Variants in PCDHA7 observed in about 807,000 individuals in gnomAD.
PCDHA7 encodes protocadherin alpha-7.
Under a neutral mutation model 57.2 loss-of-function variants are expected in PCDHA7, and 37 were observed. The ratio of observed to expected loss-of-function variants is 0.65; its 90% confidence interval spans 0.50 to 0.85. PCDHA7 has a LOEUF of 0.85. Among genes scored for constraint, PCDHA7 ranks in the 40% least tolerant of loss-of-function variants. The pLI, the probability that PCDHA7 is intolerant of heterozygous loss-of-function variation, is 0.00. For missense variants in PCDHA7, 1,188 were observed against 1,241.8 expected (o/e 0.96, Z 0.65); for synonymous variants, 553 against 558.8 (o/e 0.99, Z 0.15).
chr5:140,871,092 C>T lies in PCDHA7; in HGVS notation c.2355+34354C>T, dbSNP rs575877743. 10 of 1,613,260 alleles carry T rather than the reference C, an allele frequency of 6.2e-6. No homozygotes were observed. The Admixed American group carries it at 8.3e-5, about 13-fold the overall frequency. ...AGCCGGCGCTGACGGCCACGGCCAC[C>T]GTGCTGGTGTCGTTGGTGGAGAGCG... is the stretch of plus-strand genomic sequence containing the variant. On this transcript the variant is annotated intron_variant, in intron 1 of 3. Transcript: ENST00000525929.
intron 1 of PCDHA7, chr5:140,868,773 G>T: frequency 3.8e-6 from 1 of 263,102 alleles, no homozygotes. Flanking sequence ...GTTTCAATAT[G>T]ACTTATAATC....
At chr5:140,965,318 C>T (rs1397101710) in intron 1 of PCDHA7, among the ~76,000 whole-genome samples, 1 of 152,104 alleles carries the variant, frequency 6.6e-6, no homozygotes, top group Non-Finnish European at 1.5e-5. Flanking sequence ...TTCTCTTTTA[C>T]TGAAGTGAAT....
At chr5:140,942,445 A>G (rs1323056710) in intron 1 of PCDHA7, among the ~76,000 whole-genome samples, 5 of 152,016 alleles carry the variant, frequency 3.3e-5, no homozygotes, top group Non-Finnish European at 7.4e-5. Context: ...AAACAAGTAA[A>G]CTATCAATTA....
At chr5:140,882,899 T>C (rs956861597) in intron 1 of PCDHA7, 1 of 1,614,228 alleles carries the variant, frequency 6.2e-7, no homozygotes. Context: ...ACATAGTTTA[T>C]TACTGACAGC....
chr5:140,862,675 G>A, intron 1 of PCDHA7: 1 of 550,422 alleles, frequency 1.8e-6, no homozygotes, highest in South Asian at 1.4e-5. Context: ...GCAGGAGAAC[G>A]TGCTGGTGTC....
At chr5:140,971,586 C>G (rs1290834481) in intron 1 of PCDHA7, among the ~76,000 whole-genome samples, 1 of 152,022 alleles carries the variant, frequency 6.6e-6, no homozygotes, top group Non-Finnish European at 1.5e-5. Context: ...TTTTTCCTAC[C>G]TAGTTACTAC....
chr5:140,958,637 A>G (rs2095435071), intron 1 of PCDHA7, among the ~76,000 whole-genome samples: 1 of 152,192 alleles, frequency 6.6e-6, no homozygotes. Flanking sequence ...TACTGCAGAA[A>G]ACCAATCACA....
chr5:140,975,601 GA>G (rs781785883), intron 1 of PCDHA7, among the ~76,000 whole-genome samples: 1 of 152,192 alleles, frequency 6.6e-6, no homozygotes, highest in Non-Finnish European at 1.5e-5. Flanking sequence ...GCAATTTGTT[GA>G]TGTCTTCCAC....
chr5:140,851,458 A>G lies in PCDHA7; in HGVS notation c.2355+14720A>G, dbSNP rs543530634. 8 of 902,168 alleles carry G rather than the reference A, an allele frequency of 8.9e-6. 1 individual carries two copies. The African/African-American group carries it at 1.4e-4, about 16-fold the overall frequency. 55.9% of individuals were successfully genotyped at this position (902,168 alleles called of 1,614,324 possible). ...ACAGTTGCTCCACTTTAGGAATCAA[A>G]TTATGTCAATAAATGTTATAAACAC... On this transcript the variant is annotated intron_variant, in intron 1 of 3. Coordinates refer to ENST00000525929, the MANE Select transcript of PCDHA7 (RefSeq NM_018910.3).
At chr5:140,880,796 T>C (rs538689350) in intron 1 of PCDHA7, among the ~76,000 whole-genome samples, 4 of 152,180 alleles carry the variant, frequency 2.6e-5, no homozygotes, top group Non-Finnish European at 5.9e-5. Context: ...GTAATATAAA[T>C]AGGTGAATGA....
intron 1 of PCDHA7, among the ~76,000 whole-genome samples, chr5:140,974,766 G>A (rs2096639663): frequency 6.6e-6 from 1 of 152,158 alleles, no homozygotes; most frequent in Non-Finnish European, 1.5e-5. Flanking sequence ...GGGATTACAG[G>A]TATGAGCCAC....
intron 1 of PCDHA7, chr5:140,877,329 C>T: frequency 6.2e-7 from 1 of 1,614,012 alleles, no homozygotes; most frequent in South Asian, 1.1e-5. Flanking sequence ...TCGGCGCGCA[C>T]ATCCCGTTCC....
Position 140,851,002 on chromosome 5 carries a change from A to T in PCDHA7, c.2355+14264A>T. The stretch of plus-strand genomic sequence containing the variant: ...TTATTCATTTTTCTAGAAATCCAGC[A>T]GATTTTTTTTCTGATAAAGTAAACC... On this transcript the variant is annotated intron_variant, in intron 1 of 3. Coordinates refer to ENST00000525929, the MANE Select transcript of PCDHA7 (RefSeq NM_018910.3). 3 of 1,438,338 alleles carry T rather than the reference A, an allele frequency of 2.1e-6. No homozygotes were observed. In the East Asian group the frequency reaches 7.2e-5, roughly 35 times the overall value. 89.1% of individuals were successfully genotyped at this position (1,438,338 alleles called of 1,614,324 possible).
In PCDHA7 at chr5:140,938,797, G is replaced by T. The variant is rs76361474; in HGVS notation, c.2356-40152G>T. On this transcript the variant is annotated intron_variant, in intron 1 of 3. Coordinates refer to ENST00000525929, the MANE Select transcript of PCDHA7 (RefSeq NM_018910.3). Reference sequence around the variant, plus strand: ...TTAGTACCTGAATGATGAAATAATCGGTACCACAAACCCCTGTGACATGAG... The same window carrying T: ...TTAGTACCTGAATGATGAAATAATCTGTACCACAAACCCCTGTGACATGAG... Among the ~76,000 whole-genome samples, 827 of 152,042 alleles carry T rather than the reference G, an allele frequency of 5.4e-3. 3 individuals carry two copies. Among genetic ancestry groups the T allele is most frequent in the African/African-American group, 0.019 (796 of 41,444 alleles).
chr5:141,010,384 G>T lies in PCDHA7; in HGVS notation c.*447G>T, dbSNP rs2098417140. 10 of 1,411,480 alleles carry T rather than the reference G, an allele frequency of 7.1e-6. No homozygotes were observed. In the South Asian group the frequency reaches 8.5e-5, roughly 12 times the overall value. The allele number at this position is 1,411,480 out of a possible 1,614,324, so 87.4% of individuals were successfully genotyped here. A position where few individuals can be genotyped will look rare whatever the true frequency, so the allele number is the denominator to read the frequency against. ...GCGGGTATGCGAGTGCCAGATATTGGCTGAGACGAGCCAGCTTAGACTAAT... is the reference window on the plus strand; with the variant it reads ...GCGGGTATGCGAGTGCCAGATATTGTCTGAGACGAGCCAGCTTAGACTAAT... On this transcript the variant is annotated 3_prime_UTR_variant, in exon 4 of 4. Coordinates refer to ENST00000525929, the MANE Select transcript of PCDHA7 (RefSeq NM_018910.3).
At chr5:140,971,209 C>T (rs147218200) in intron 1 of PCDHA7, among the ~76,000 whole-genome samples, 3 of 152,118 alleles carry the variant, frequency 2.0e-5, no homozygotes, top group African/African-American at 7.2e-5. Context: ...ACACTGTTAC[C>T]CTCCCTCTCC....
chr5:140,923,305 G>A (rs552769255), intron 1 of PCDHA7, among the ~76,000 whole-genome samples: 3 of 152,304 alleles, frequency 2.0e-5, no homozygotes, highest in South Asian at 2.1e-4. Context: ...GGGCGTGGGG[G>A]CGCTTGGCCT....
Position 140,835,184 on chromosome 5 carries a change from A to G in PCDHA7, c.801A>G (p.Ser267=). 1.3e-6 allele frequency: 2 copies of G among 1,525,540 alleles called. No individual in the cohort carries two copies. The highest frequency in any genetic ancestry group is 1.8e-6 in the Non-Finnish European group (2 of 1,127,766). The allele number at this position is 1,525,540 out of a possible 1,614,324, so 94.5% of individuals were successfully genotyped here. Residue 267 remains serine (S), a synonymous_variant, in exon 1 of 4, where the codon TCA becomes TCG. Transcript: ENST00000525929. The stretch of plus-strand genomic sequence containing the variant: ...CGCTGGTGATTCACCCCAATGCCTC[A>G]GATTTAGACGAAGGCTTGAATGGGG... ...IGTLVIHPNA[S]DLDEGLNGDI...
chr5:140,946,611 A>AATATATATATATATATATAT lies in PCDHA7; in HGVS notation c.2356-32336_2356-32317dup, dbSNP rs1554217734. On this transcript the variant is annotated intron_variant, in intron 1 of 3. Transcript: ENST00000525929. ...GGATGAATAGATAAAGAAAATGTGA[A>AATATATATATATATATATAT]ATATATATATATATATATATACAAT... Among the ~76,000 whole-genome samples the AATATATATATATATATATAT allele has an allele frequency of 2.4e-3, 212 of 86,734 alleles. 8 individuals carry two copies. Among genetic ancestry groups the AATATATATATATATATATAT allele is most frequent in the Middle Eastern group, 0.011 (2 of 186 alleles). The allele number at this position is 86,734 out of a possible 152,430, so 56.9% of individuals were successfully genotyped here.
Sources: gnomAD v4.1 joint callset for allele counts (sites outside exome capture counted in the v4.1 genomes callset) on GRCh38, gnomAD v4.1.1 for gene constraint, MANE v1.5 for transcripts, NCBI Gene and HGNC (gene_info 2026-07-23, HGNC 2026-07-21) for gene names.